The following CNTNAP2 variants were observed in gnomAD, a reference collection of about 807,000 sequenced individuals.
The protein encoded by CNTNAP2 is contactin-associated protein-like 2.
Under a neutral mutation model 155.2 loss-of-function variants are expected in CNTNAP2, and 98 were observed. The observed-to-expected ratio is 0.63, with a 90% CI of 0.54 to 0.75. The LOEUF is 0.75. Ranked by LOEUF, CNTNAP2 falls within the 30% of genes least tolerant of loss-of-function variation. CNTNAP2 has a pLI of 0.00. For missense variants in CNTNAP2, 1,727 were observed against 1,688.1 expected (o/e 1.02, Z -0.40); for synonymous variants, 651 against 631.2 (o/e 1.03, Z -0.47).
intron 13 of CNTNAP2, among the ~76,000 whole-genome samples, chr7:147,770,661 TGTTA>T (rs1483017842): frequency 1.3e-5 from 2 of 152,324 alleles, no homozygotes; most frequent in South Asian, 2.1e-4. Context: ...CTAATGGATG[TGTTA>T]GTTCTCTAGG....
At chr7:147,614,525 A>C (rs1454812174) in intron 12 of CNTNAP2, among the ~76,000 whole-genome samples, 1 of 151,836 alleles carries the variant, frequency 6.6e-6, no homozygotes, top group Non-Finnish European at 1.5e-5. Flanking sequence ...TATATTGAAT[A>C]ATCTTTTTTA....
intron 9 of CNTNAP2, among the ~76,000 whole-genome samples, chr7:147,387,450 T>A (rs901775418): frequency 1.3e-5 from 2 of 152,202 alleles, no homozygotes; most frequent in Non-Finnish European, 1.5e-5. Flanking sequence ...TCATTGAATC[T>A]CATCAGGTGG....
At chr7:147,254,052 C>A (rs928487005) in intron 8 of CNTNAP2, among the ~76,000 whole-genome samples, 2 of 152,170 alleles carry the variant, frequency 1.3e-5, no homozygotes, top group Non-Finnish European at 2.9e-5. Flanking sequence ...GAATTCCTGA[C>A]CTCTGGGATT....
intron 10 of CNTNAP2, among the ~76,000 whole-genome samples, chr7:147,421,914 C>T (rs1797297046): frequency 6.6e-6 from 1 of 151,842 alleles, no homozygotes; most frequent in Non-Finnish European, 1.5e-5. Flanking sequence ...GGCCTTTTTC[C>T]ATAAGTAAAG....
chr7:147,428,556 C>T (rs1245845778), intron 10 of CNTNAP2, among the ~76,000 whole-genome samples: 1 of 152,110 alleles, frequency 6.6e-6, no homozygotes, highest in East Asian at 1.9e-4. Context: ...TCTTCTGAAG[C>T]TTAATTGTTG....
intron 8 of CNTNAP2, among the ~76,000 whole-genome samples, chr7:147,284,153 T>G (rs1457854229): frequency 6.6e-6 from 1 of 151,770 alleles, no homozygotes; most frequent in Non-Finnish European, 1.5e-5. Flanking sequence ...TAATGTGCCC[T>G]AAATAACGTG....
intron 3 of CNTNAP2, among the ~76,000 whole-genome samples, chr7:146,922,603 G>T (rs1001091007): frequency 6.6e-6 from 1 of 152,198 alleles, no homozygotes; most frequent in Non-Finnish European, 1.5e-5. Context: ...GTATGGAATT[G>T]CAGTGTATAG....
At chr7:146,944,408 A>T (rs1797116030) in intron 3 of CNTNAP2, among the ~76,000 whole-genome samples, 1 of 152,116 alleles carries the variant, frequency 6.6e-6, no homozygotes, top group Non-Finnish European at 1.5e-5. Context: ...TTGAATCTTA[A>T]TTCTGTGTTA....
intron 11 of CNTNAP2, among the ~76,000 whole-genome samples, chr7:147,546,212 TGAGAG>T (rs1028946478): frequency 6.6e-6 from 1 of 152,050 alleles, no homozygotes; most frequent in African/African-American, 2.4e-5. Flanking sequence ...AGAGCACAGA[TGAGAG>T]GAGGTATGAT....
chr7:147,396,034 T>G (rs1397350499), intron 10 of CNTNAP2, among the ~76,000 whole-genome samples: 1 of 148,300 alleles, frequency 6.7e-6, no homozygotes, highest in Non-Finnish European at 1.5e-5. Context: ...ATGAGATATA[T>G]CCTATATGTG....
At chr7:148,358,439 G>C (rs1393044815) in intron 21 of CNTNAP2, among the ~76,000 whole-genome samples, 1 of 152,182 alleles carries the variant, frequency 6.6e-6, no homozygotes, top group Non-Finnish European at 1.5e-5. Context: ...GAGCATTTGA[G>C]AATGTGGAGA....
chr7:147,744,737 A>G (rs947913265), intron 13 of CNTNAP2, among the ~76,000 whole-genome samples: 2 of 152,060 alleles, frequency 1.3e-5, no homozygotes, highest in Non-Finnish European at 2.9e-5. Flanking sequence ...GTATCCTCAT[A>G]TGGCCTTTCC....
At chr7:147,684,988 G>A (rs920816970) in intron 13 of CNTNAP2, among the ~76,000 whole-genome samples, 1 of 151,760 alleles carries the variant, frequency 6.6e-6, no homozygotes, top group African/African-American at 2.4e-5. Flanking sequence ...TCCTTTTCAT[G>A]TAGCTTTTTT....
chr7:146,252,740 A>G (rs1799775137), intron 1 of CNTNAP2, among the ~76,000 whole-genome samples: 1 of 152,208 alleles, frequency 6.6e-6, no homozygotes. Context: ...TTAAAAAGAA[A>G]AGAAAAAGAA....
chr7:147,263,538 A>C (rs1033492693), intron 8 of CNTNAP2, among the ~76,000 whole-genome samples: 3 of 152,200 alleles, frequency 2.0e-5, no homozygotes, highest in Admixed American at 6.5e-5. Flanking sequence ...CGAACATCTC[A>C]GTATTGATTT....
chr7:147,422,079 G>GTA (rs370340472), intron 10 of CNTNAP2, among the ~76,000 whole-genome samples: 2,379 of 142,932 alleles, frequency 0.017, 65 homozygotes, highest in African/African-American at 0.064. Flanking sequence ...TAGTGTGTGT[G>GTA]TGTGTAACTA....
chr7:148,098,756 A>G (rs1426894057), intron 15 of CNTNAP2, among the ~76,000 whole-genome samples: 2 of 152,208 alleles, frequency 1.3e-5, no homozygotes. Flanking sequence ...TATGAATGCC[A>G]TAGAGTAGGT....
At chr7:148,342,595 CAA>C (rs1798255499) in intron 21 of CNTNAP2, among the ~76,000 whole-genome samples, 1 of 152,182 alleles carries the variant, frequency 6.6e-6, no homozygotes, top group African/African-American at 2.4e-5. Flanking sequence ...TAATCATAGT[CAA>C]AATTCATTTT....
At chr7:147,419,677 T>G (rs895034649) in intron 10 of CNTNAP2, among the ~76,000 whole-genome samples, 2 of 152,210 alleles carry the variant, frequency 1.3e-5, no homozygotes, top group African/African-American at 4.8e-5. Flanking sequence ...ACATCTCAGC[T>G]GGAGTTTCCC....
Sources: allele counts gnomAD v4.1 joint callset (sites outside exome capture counted in the v4.1 genomes callset), GRCh38; gene constraint gnomAD v4.1.1; transcripts MANE v1.5; gene names NCBI Gene and HGNC (gene_info 2026-07-23, HGNC 2026-07-21).